ST7: variants seen among roughly 807,000 people sequenced by gnomAD.
ST7 encodes the protein suppressor of tumorigenicity 7 protein.
Under a neutral mutation model 78.7 loss-of-function variants are expected in ST7, and 28 were observed. That is an observed-to-expected ratio of 0.36 (90% CI 0.26 to 0.49). ST7 has a LOEUF of 0.49. Ranked by LOEUF, ST7 falls within the 20% of genes least tolerant of loss-of-function variation. ST7 has a pLI of 0.99. For synonymous variants in ST7, 247 were observed against 249.6 expected (o/e 0.99, Z 0.10); for missense variants, 418 against 696.0 (o/e 0.60, Z 4.49).
chr7:117,043,116 T>A (rs980846667), intron 1 of ST7, among the ~76,000 whole-genome samples: 3 of 152,224 alleles, frequency 2.0e-5, no homozygotes, highest in African/African-American at 7.2e-5. Flanking sequence ...CATGTAATAA[T>A]GAGTTTTCAT....
chr7:117,177,982 A>C lies in ST7; in HGVS notation c.1078+7006A>C, dbSNP rs3808206. Among the ~76,000 whole-genome samples, 287 of 152,296 alleles carry C rather than the reference A, an allele frequency of 1.9e-3. 9 individuals carry two copies. The East Asian group carries it at 0.049, about 26-fold the overall frequency. On this transcript the variant is annotated intron_variant, in intron 10 of 15. Transcript: ENST00000323984. ...ACGAAGGAGAAATGGACTGCTTTTT[A>C]AATTTCTTTTCCATTTTTGTTTGTT... is the stretch of plus-strand genomic sequence containing the variant.
intron 10 of ST7, among the ~76,000 whole-genome samples, chr7:117,188,830 A>G (rs927046391): frequency 6.6e-6 from 1 of 152,140 alleles, no homozygotes; most frequent in Admixed American, 6.5e-5. Context: ...TAAACTTGAA[A>G]TTTAATGCAA....
At chr7:116,977,172 C>G (rs1793742401) in intron 1 of ST7, among the ~76,000 whole-genome samples, 1 of 152,206 alleles carries the variant, frequency 6.6e-6, no homozygotes, top group Non-Finnish European at 1.5e-5. Context: ...GGGCCCTGTT[C>G]TAACATTCTG....
chr7:117,102,750 A>G (rs1563082875), intron 2 of ST7, among the ~76,000 whole-genome samples: 1 of 152,148 alleles, frequency 6.6e-6, no homozygotes, highest in East Asian at 1.9e-4. Flanking sequence ...TCAGTGAGAT[A>G]GGTGATAGAA....
chr7:117,174,492 G>A (rs151064546), intron 10 of ST7, among the ~76,000 whole-genome samples: 56 of 152,088 alleles, frequency 3.7e-4, no homozygotes, highest in East Asian at 1.2e-3. Context: ...TAGATGTGAT[G>A]TTATGAGAGA....
At chr7:117,065,055 A>G (rs1423946545) in intron 1 of ST7, among the ~76,000 whole-genome samples, 4 of 152,212 alleles carry the variant, frequency 2.6e-5, no homozygotes, top group African/African-American at 4.8e-5. Flanking sequence ...ACATATATTA[A>G]GACAGTTAAG....
chr7:117,042,148 A>G (rs990605882), intron 1 of ST7, among the ~76,000 whole-genome samples: 18 of 152,282 alleles, frequency 1.2e-4, no homozygotes, highest in African/African-American at 4.3e-4. Flanking sequence ...CTTTTGTATT[A>G]TTTGAGTTTT....
intron 6 of ST7, 136 bp from the exon 7 acceptor site, chr7:117,133,988 A>G (rs1186930089): frequency 1.3e-5 from 15 of 1,138,584 alleles, no homozygotes; most frequent in Non-Finnish European, 1.6e-5. Flanking sequence ...CCATTGAATC[A>G]TGCCTCTTTT....
intron 13 of ST7, among the ~76,000 whole-genome samples, chr7:117,217,686 A>G (rs1020166669): frequency 3.9e-5 from 6 of 152,316 alleles, no homozygotes; most frequent in African/African-American, 1.4e-4. Context: ...AAGCAGAGTT[A>G]AAGTCTGGGG....
chr7:116,972,195 G>T, intron 1 of ST7: 1 of 551,802 alleles, frequency 1.8e-6, no homozygotes, highest in South Asian at 1.4e-5. Flanking sequence ...GCAGAGTCTG[G>T]ACCAGCATCT....
chr7:117,096,264 A>G (rs1300110889), intron 1 of ST7, among the ~76,000 whole-genome samples: 9 of 152,006 alleles, frequency 5.9e-5, no homozygotes, highest in Non-Finnish European at 1.5e-5. Context: ...TTTGGGCTAT[A>G]GTTTGCAGCC....
chr7:116,954,791 C>A, intron 1 of ST7: 1 of 269,068 alleles, frequency 3.7e-6, no homozygotes, highest in South Asian at 3.9e-5. Context: ...TGTTAATCTC[C>A]ATACTCTGGG....
chr7:116,984,528 T>C (rs1018663361), intron 1 of ST7, among the ~76,000 whole-genome samples: 1 of 152,074 alleles, frequency 6.6e-6, no homozygotes, highest in South Asian at 2.1e-4. Context: ...CTTAATTTTT[T>C]CCCAAGGACC....
At chr7:117,100,226 C>T (rs1285993077) in intron 2 of ST7, among the ~76,000 whole-genome samples, 1 of 152,082 alleles carries the variant, frequency 6.6e-6, no homozygotes, top group Admixed American at 6.5e-5. Flanking sequence ...AATCCCAGCA[C>T]TTTGGGAGGC....
At chr7:117,181,313 C>CA (rs1808746159) in intron 10 of ST7, among the ~76,000 whole-genome samples, 2 of 151,836 alleles carry the variant, frequency 1.3e-5, no homozygotes, top group Admixed American at 1.3e-4. Flanking sequence ...CTCTATTGTC[C>CA]AAAAAAACAG....
At chr7:116,990,633 ACCC>A (rs1794383833) in intron 1 of ST7, among the ~76,000 whole-genome samples, 1 of 152,170 alleles carries the variant, frequency 6.6e-6, no homozygotes, top group Admixed American at 6.5e-5. Context: ...AAAGCTGCAT[ACCC>A]ATACTCTTTT....
intron 1 of ST7, among the ~76,000 whole-genome samples, chr7:116,983,523 T>C (rs1264806494): frequency 6.6e-6 from 1 of 152,112 alleles, no homozygotes; most frequent in African/African-American, 2.4e-5. Flanking sequence ...ATCCTCTACA[T>C]CCATCCCCCT....
chr7:117,005,880 A>G (rs1201743571), intron 1 of ST7, among the ~76,000 whole-genome samples: 2 of 152,248 alleles, frequency 1.3e-5, no homozygotes, highest in African/African-American at 4.8e-5. Context: ...TTTCTTAGAC[A>G]TAAATAAATA....
intron 12 of ST7, among the ~76,000 whole-genome samples, chr7:117,207,485 C>T (rs1791883405): frequency 6.6e-6 from 1 of 152,158 alleles, no homozygotes; most frequent in South Asian, 2.1e-4. Flanking sequence ...GACTACCAGG[C>T]CCACTTCTTC....
Sources: gnomAD v4.1 joint callset for allele counts (sites outside exome capture counted in the v4.1 genomes callset) on GRCh38, gnomAD v4.1.1 for gene constraint, MANE v1.5 for transcripts, NCBI Gene and HGNC (gene_info 2026-07-23, HGNC 2026-07-21) for gene names.